The following SETBP1 variants were observed in gnomAD, a reference collection of about 807,000 sequenced individuals.
The protein encoded by SETBP1 is SET binding protein 1.
Under a neutral mutation model 101.0 loss-of-function variants are expected in SETBP1, and 9 were observed. The observed-to-expected ratio is 0.09, with a 90% CI of 0.05 to 0.16. SETBP1 has a LOEUF of 0.16. SETBP1 is among the 10% of genes least tolerant of loss of function. The probability of loss-of-function intolerance (pLI) is 1.00; values close to 1 mark genes in which losing one functional copy is unlikely to be tolerated. For missense variants in SETBP1, 1,858 were observed against 2,033.8 expected, an observed-to-expected ratio of 0.91 and a Z score of 1.66; for synonymous variants, 818 against 788.5, an observed-to-expected ratio of 1.04 and a Z score of -0.63.
chr18:44,996,877 G>T (rs905670492), intron 4 of SETBP1, among the ~76,000 whole-genome samples: 2 of 152,170 alleles, frequency 1.3e-5, no homozygotes, highest in African/African-American at 4.8e-5. Context: ...GAAGAAAAAG[G>T]GTAGGAAAAA....
intron 3 of SETBP1, among the ~76,000 whole-genome samples, chr18:44,890,185 A>C (rs1246540339): frequency 6.6e-6 from 1 of 152,104 alleles, no homozygotes; most frequent in Non-Finnish European, 1.5e-5. Flanking sequence ...ATGTTGTAAA[A>C]TAGGTTTCCT....
At chr18:44,913,470 G>A (rs2070358942) in intron 3 of SETBP1, among the ~76,000 whole-genome samples, 2 of 152,218 alleles carry the variant, frequency 1.3e-5, no homozygotes, top group African/African-American at 4.8e-5. Context: ...GCAGAGACAT[G>A]CATAGAGGGT....
chr18:44,786,170 C>T (rs1273980749), intron 2 of SETBP1, among the ~76,000 whole-genome samples: 1 of 152,178 alleles, frequency 6.6e-6, no homozygotes, highest in African/African-American at 2.4e-5. Flanking sequence ...GACAGAGAAT[C>T]TCCTTTTTCC....
chr18:45,038,420 T>A lies in SETBP1; in HGVS notation c.4001-65T>A, dbSNP rs1015505648. The A allele has an allele frequency of 3.5e-6, 5 of 1,415,080 alleles. No homozygotes were observed. The African/African-American group carries it at 7.0e-5, about 20-fold the overall frequency. 87.7% of individuals were successfully genotyped at this position (1,415,080 alleles called of 1,614,324 possible). A position where few individuals can be genotyped will look rare whatever the true frequency, so the allele number is the denominator to read the frequency against. On this transcript the variant is annotated intron_variant, in intron 4 of 5. Coordinates refer to ENST00000649279, the MANE Select transcript of SETBP1 (RefSeq NM_015559.3). The stretch of plus-strand genomic sequence containing the variant: ...ACCATTTCCTCAGATCATGTCCAGG[T>A]TACATGTTGTCTATCTTCCTGTTCC...
At chr18:45,048,965 C>T (rs1274329159) in intron 5 of SETBP1, among the ~76,000 whole-genome samples, 7 of 97,434 alleles carry the variant, frequency 7.2e-5, no homozygotes, top group Non-Finnish European at 1.1e-4. Context: ...GGCGACAGAG[C>T]GAGACTCCGT....
Position 44,899,726 on chromosome 18 carries a change from G to T in SETBP1, c.540+30443G>T, listed in dbSNP as rs138788494. Reference sequence around the variant, plus strand: ...AAACTATGTAGCTGGTCCTGACTCAGATTCTATGTGCCCTTGGACAAATTA... The same window carrying T: ...AAACTATGTAGCTGGTCCTGACTCATATTCTATGTGCCCTTGGACAAATTA... On this transcript the variant is annotated intron_variant, in intron 3 of 5. Coordinates refer to ENST00000649279, the MANE Select transcript of SETBP1 (RefSeq NM_015559.3). Among the ~76,000 whole-genome samples, 19 of 152,308 alleles carry T rather than the reference G, an allele frequency of 1.2e-4. No homozygotes were observed. In the East Asian group the frequency reaches 3.7e-3, roughly 29 times the overall value.
chr18:44,788,422 C>A (rs574679650), intron 2 of SETBP1, among the ~76,000 whole-genome samples: 80 of 152,322 alleles, frequency 5.3e-4, no homozygotes, highest in Admixed American at 1.6e-3. Flanking sequence ...TTATGCACAA[C>A]CTCCTAAGCT....
chr18:44,951,785 A>G lies in SETBP1; in HGVS notation c.2445A>G (p.Pro815=), dbSNP rs2071359106. Reference sequence around the variant, plus strand: ...ATCTCCAGCCCATCAGTGCTCTTCCAACCAAAACCCAAAAGGGAATACACA... The same window carrying G: ...ATCTCCAGCCCATCAGTGCTCTTCCGACCAAAACCCAAAAGGGAATACACA... ...MPNLQPISAL[P]TKTQKGIHSG... The change falls in exon 4 of 6, where the codon CCA becomes CCG. Residue 815 remains proline, a synonymous_variant. Coordinates refer to ENST00000649279, the MANE Select transcript of SETBP1 (RefSeq NM_015559.3). This position sits in a 1 kb window ranked among gnomAD's most constrained non-coding sequence, Gnocchi z 7.8. The G allele has an allele frequency of 3.7e-6, 6 of 1,614,064 alleles. No homozygotes were observed. In the East Asian group the frequency reaches 1.3e-4, roughly 36 times the overall value.
intron 5 of SETBP1, among the ~76,000 whole-genome samples, chr18:45,061,058 C>G (rs939029179): frequency 6.6e-6 from 1 of 152,144 alleles, no homozygotes; most frequent in Non-Finnish European, 1.5e-5. Flanking sequence ...AGAGGGCAAA[C>G]TGTAAATGAA....
intron 5 of SETBP1, among the ~76,000 whole-genome samples, chr18:45,047,612 T>C (rs935061283): frequency 6.6e-6 from 1 of 152,158 alleles, no homozygotes; most frequent in African/African-American, 2.4e-5. Flanking sequence ...AAAGTTGGCA[T>C]AGTGAGCCCA....
At chr18:45,034,570 A>G (rs1244067446) in intron 4 of SETBP1, among the ~76,000 whole-genome samples, 1 of 152,190 alleles carries the variant, frequency 6.6e-6, no homozygotes, top group Non-Finnish European at 1.5e-5. Context: ...TCAATAGGTT[A>G]TAGCGGAATG....
chr18:44,876,416 G>A (rs1445590149), intron 3 of SETBP1: 2 of 605,104 alleles, frequency 3.3e-6, no homozygotes, highest in East Asian at 5.7e-5. Context: ...CCCAGCCTTG[G>A]CTGCAGACAG....
intron 4 of SETBP1, among the ~76,000 whole-genome samples, chr18:44,961,293 G>A (rs934940815): frequency 1.3e-5 from 2 of 152,194 alleles, no homozygotes; most frequent in African/African-American, 4.8e-5. Context: ...AGTTTATGGA[G>A]GATGAAAACA....
intron 2 of SETBP1, among the ~76,000 whole-genome samples, chr18:44,770,821 TG>T (rs5824557): frequency 0.69 from 104,071 of 151,882 alleles, 35,944 homozygotes; most frequent in Non-Finnish European, 0.72. Flanking sequence ...CAAGAAAAGT[TG>T]GATTCCAGAA....
chr18:44,973,129 G>C (rs140635512), intron 4 of SETBP1, among the ~76,000 whole-genome samples: 2,009 of 152,298 alleles, frequency 0.013, 38 homozygotes, highest in African/African-American at 0.046. Flanking sequence ...CATCTATTGA[G>C]ATAATCATCT....
At chr18:44,803,598 C>T (rs2071657402) in intron 2 of SETBP1, among the ~76,000 whole-genome samples, 1 of 152,056 alleles carries the variant, frequency 6.6e-6, no homozygotes. Flanking sequence ...CTGTTCTTCC[C>T]CTCTCCATAC....
chr18:44,734,140 G>A (rs924492416), intron 2 of SETBP1, among the ~76,000 whole-genome samples: 20 of 152,116 alleles, frequency 1.3e-4, no homozygotes, highest in African/African-American at 4.8e-4. Flanking sequence ...ATTTCTAAAA[G>A]GAAATAACAG....
At position 45,016,731 on chromosome 18, in the gene SETBP1, G is replaced by GCACACA. The variant is rs60965207; in HGVS notation, c.4001-21723_4001-21718dup. 6.1e-3 allele frequency among the ~76,000 whole-genome samples: 746 copies of GCACACA among 122,838 alleles called. 3 individuals are homozygous for GCACACA. The highest frequency in any genetic ancestry group is 0.017 in the Middle Eastern group (4 of 236). The allele number at this position is 122,838 out of a possible 152,430, so 80.6% of individuals were successfully genotyped here. On this transcript the variant is annotated intron_variant, in intron 4 of 5. Transcript: ENST00000649279. ...TGTGAGATTATACACATTGGTGCGC[G>GCACACA]CACACACACACACACACACACACAC... is the stretch of plus-strand genomic sequence containing the variant.
intron 5 of SETBP1, among the ~76,000 whole-genome samples, chr18:45,044,863 C>T (rs145446535): frequency 4.6e-5 from 7 of 152,282 alleles, no homozygotes; most frequent in Non-Finnish European, 8.8e-5. Context: ...CTGGAGAAAG[C>T]GTGTAGAGCA....
Sources: gnomAD v4.1 joint callset for allele counts (sites outside exome capture counted in the v4.1 genomes callset) on GRCh38, gnomAD v4.1.1 for gene constraint, Gnocchi (gnomAD v3.1) non-coding constraint, MANE v1.5 for transcripts, NCBI Gene and HGNC (gene_info 2026-07-23, HGNC 2026-07-21) for gene names.